Variants in BMP2K observed in about 807,000 individuals in gnomAD.
The protein encoded by BMP2K is BMP2 inducible kinase.
BMP2K carries 74 observed loss-of-function variants against 116.0 expected under a neutral mutation model. That is an observed-to-expected ratio of 0.64 (90% confidence interval 0.53 to 0.77). The LOEUF is 0.77. BMP2K is among the 30% of genes least tolerant of loss of function. The pLI is 0.00. For synonymous variants in BMP2K, 486 were observed against 502.5 expected, an observed-to-expected ratio of 0.97 and a Z score of 0.44; for missense variants, 1,365 against 1,403.6, an observed-to-expected ratio of 0.97 and a Z score of 0.44.
rs763329373 is a variant in BMP2K, at chr4:78,912,037, C to G, written c.*4C>G. ...TCCATTTCCTTCTAAACAGTAGATACTTCTGATGGATTCTCGGCATTAACT... is the reference window on the plus strand; with the variant it reads ...TCCATTTCCTTCTAAACAGTAGATAGTTCTGATGGATTCTCGGCATTAACT... On this transcript the variant is annotated 3_prime_UTR_variant, in exon 16 of 16. Transcript: ENST00000502613. 3 of 1,583,142 alleles carry G rather than the reference C, an allele frequency of 1.9e-6. No individual in the cohort carries two copies. In the South Asian group the frequency reaches 3.5e-5, roughly 18 times the overall value.
intron 1 of BMP2K, among the ~76,000 whole-genome samples, chr4:78,817,796 C>G (rs1729425520): frequency 1.3e-5 from 2 of 152,218 alleles, no homozygotes; most frequent in Middle Eastern, 6.8e-3. Context: ...AGTTGGTTTT[C>G]TGGTGATCAG....
chr4:78,870,529 G>A (rs937750927), intron 10 of BMP2K, among the ~76,000 whole-genome samples: 2 of 152,180 alleles, frequency 1.3e-5, no homozygotes, highest in African/African-American at 2.4e-5. Context: ...TTGTGTTCAT[G>A]GAGAGCCGAA....
At chr4:78,840,119 G>A (rs972239186) in intron 3 of BMP2K, among the ~76,000 whole-genome samples, 1 of 138,062 alleles carries the variant, frequency 7.2e-6, no homozygotes, top group African/African-American at 3.5e-5. Flanking sequence ...TGTGTACTCA[G>A]ATAGGTTGTT....
chr4:78,860,155 T>C (rs941806247), intron 8 of BMP2K: 8 of 468,954 alleles, frequency 1.7e-5, no homozygotes, highest in Middle Eastern at 3.5e-4. Context: ...CGCATAGATA[T>C]AGACAGTGGA....
chr4:78,860,641 A>G (rs1042439231), intron 8 of BMP2K, among the ~76,000 whole-genome samples: 8 of 151,964 alleles, frequency 5.3e-5, no homozygotes, highest in East Asian at 3.9e-4. Context: ...AGGTTCTGCA[A>G]TCATCACTGA....
chr4:78,875,341 AAG>A (rs1732580983), intron 13 of BMP2K, among the ~76,000 whole-genome samples: 1 of 152,224 alleles, frequency 6.6e-6, no homozygotes, highest in South Asian at 2.1e-4. Flanking sequence ...GACAGAGGGA[AAG>A]AGTCACTATC....
chr4:78,823,237 T>C (rs1194741908), intron 1 of BMP2K, among the ~76,000 whole-genome samples: 1 of 151,978 alleles, frequency 6.6e-6, no homozygotes, highest in Non-Finnish European at 1.5e-5. Context: ...ACTTGATACT[T>C]GTTTTTCTCA....
At chr4:78,830,876 C>G (rs978405189) in intron 2 of BMP2K, among the ~76,000 whole-genome samples, 16 of 152,202 alleles carry the variant, frequency 1.1e-4, no homozygotes, top group African/African-American at 3.9e-4. Flanking sequence ...AAAACTTTCT[C>G]CATGTCAGCA....
intron 1 of BMP2K, among the ~76,000 whole-genome samples, chr4:78,800,143 T>A (rs1338988831): frequency 6.6e-5 from 10 of 152,230 alleles, no homozygotes; most frequent in Non-Finnish European, 1.0e-4. Flanking sequence ...TCAGGCAGAA[T>A]GTATAAATAT....
intron 1 of BMP2K, among the ~76,000 whole-genome samples, chr4:78,824,764 A>T (rs1300671585): frequency 2.0e-5 from 3 of 152,190 alleles, no homozygotes; most frequent in African/African-American, 4.8e-5. Flanking sequence ...ATACCATTTT[A>T]AAAAAAGTAA....
chr4:78,814,450 T>C (rs1486981582), intron 1 of BMP2K, among the ~76,000 whole-genome samples: 1 of 152,208 alleles, frequency 6.6e-6, no homozygotes, highest in Non-Finnish European at 1.5e-5. Context: ...TCCCCACATG[T>C]CATGGGAGGG....
At chr4:78,875,822 G>C (rs984838052) in intron 13 of BMP2K, among the ~76,000 whole-genome samples, 1 of 152,148 alleles carries the variant, frequency 6.6e-6, no homozygotes, top group African/African-American at 2.4e-5. Context: ...CTTTGCCAAG[G>C]CAAAAATTAT....
chr4:78,787,200 A>G lies in BMP2K; in HGVS notation c.178+10479A>G, dbSNP rs1401030689. ...ATTGGATAGCAGCCATATTTGACAT[A>G]TCAAGCTGTTCAGTTGATATTTAGG... is the stretch of plus-strand genomic sequence containing the variant. On this transcript the variant is annotated intron_variant, in intron 1 of 15. Coordinates refer to ENST00000502613, the MANE Select transcript of BMP2K (RefSeq NM_198892.2). Among the ~76,000 whole-genome samples the G allele has an allele frequency of 9.2e-5, 14 of 152,344 alleles. No individual in the cohort carries two copies. The East Asian group carries it at 2.7e-3, about 29-fold the overall frequency.
intron 1 of BMP2K, among the ~76,000 whole-genome samples, chr4:78,803,634 C>T (rs946116897): frequency 6.6e-6 from 1 of 152,208 alleles, no homozygotes; most frequent in South Asian, 2.1e-4. Flanking sequence ...CCACCTCAGC[C>T]TCCCAAATTG....
At chr4:78,802,352 A>G (rs1271036853) in intron 1 of BMP2K, among the ~76,000 whole-genome samples, 2 of 152,100 alleles carry the variant, frequency 1.3e-5, no homozygotes, top group Admixed American at 1.3e-4. Context: ...TGCTTCCATG[A>G]TTATTTTGTC....
In BMP2K at chr4:78,856,510, AT is replaced by A. The variant is rs529553257; in HGVS notation, c.884-3066del. Among the ~76,000 whole-genome samples the A allele has an allele frequency of 1.6e-3, 242 of 151,948 alleles. 2 individuals are homozygous for A. Among genetic ancestry groups the A allele is most frequent in the African/African-American group, 5.6e-3 (231 of 41,456 alleles). On this transcript the variant is annotated intron_variant, in intron 7 of 15. Transcript: ENST00000502613. ...TTAAGTGCTTAAAGATGCCTTATTGATTTTTTTTCCTTTTTTTTAAATTGCT... is the reference window on the plus strand; with the variant it reads ...TTAAGTGCTTAAAGATGCCTTATTGATTTTTTTCCTTTTTTTTAAATTGCT...
intron 3 of BMP2K, among the ~76,000 whole-genome samples, chr4:78,833,943 CAG>C (rs1240252209): frequency 3.9e-5 from 6 of 152,144 alleles, no homozygotes; most frequent in African/African-American, 1.4e-4. Flanking sequence ...TAAGCAGGTA[CAG>C]AGTTACAGTT....
chr4:78,787,267 TAAG>T (rs1727774152), intron 1 of BMP2K, among the ~76,000 whole-genome samples: 2 of 152,186 alleles, frequency 1.3e-5, no homozygotes, highest in Non-Finnish European at 2.9e-5. Context: ...CATTTTAAAA[TAAG>T]GAGATAGAGA....
chr4:78,891,705 C>G lies in BMP2K; in HGVS notation c.2062+4421C>G, dbSNP rs542755519. On this transcript the variant is annotated intron_variant, in intron 15 of 15. Transcript: ENST00000502613. The stretch of plus-strand genomic sequence containing the variant: ...GATACTTTGGTTTTGCACATTTTGC[C>G]ACACCTTTTCTTCTCTTTTCTTTAT... Among the ~76,000 whole-genome samples the G allele has an allele frequency of 3.9e-5, 6 of 152,220 alleles. No homozygotes were observed. In the South Asian group the frequency reaches 1.2e-3, roughly 32 times the overall value.
Sources: allele counts gnomAD v4.1 joint callset (sites outside exome capture counted in the v4.1 genomes callset), GRCh38; gene constraint gnomAD v4.1.1; transcripts MANE v1.5; gene names NCBI Gene and HGNC (gene_info 2026-07-23, HGNC 2026-07-21).